The following CSMD3 variants were observed in gnomAD, a reference collection of about 807,000 sequenced individuals.
CSMD3 encodes CUB and sushi domain-containing protein 3.
CSMD3 carries 177 observed loss-of-function variants against 435.2 expected under a neutral mutation model. That is an observed-to-expected ratio of 0.41 (90% CI 0.36 to 0.46). CSMD3 has a LOEUF of 0.46. CSMD3 is among the 20% of genes least tolerant of loss of function. The pLI is 0.34. For missense variants in CSMD3, 4,265 were observed against 4,504.6 expected (o/e 0.95, Z 1.52); for synonymous variants, 1,656 against 1,520.5 (o/e 1.09, Z -2.07).
intron 60 of CSMD3, among the ~76,000 whole-genome samples, chr8:112,264,086 C>A (rs1816702660): frequency 6.6e-6 from 1 of 152,064 alleles, no homozygotes; most frequent in African/African-American, 2.4e-5. Flanking sequence ...AGAAGGCAAA[C>A]AGAGGGTGAC....
At chr8:112,664,597 C>T (rs2075472832) in intron 17 of CSMD3, among the ~76,000 whole-genome samples, 1 of 151,998 alleles carries the variant, frequency 6.6e-6, no homozygotes, top group African/African-American at 2.4e-5. Context: ...ATTGTGTTCC[C>T]CCAAATTTCT....
chr8:112,940,949 C>T (rs1365849371), intron 9 of CSMD3, among the ~76,000 whole-genome samples: 1 of 151,710 alleles, frequency 6.6e-6, no homozygotes, highest in Non-Finnish European at 1.5e-5. Flanking sequence ...ATTGAGCTCT[C>T]TTTGTCACAC....
At chr8:113,270,028 C>T (rs1161472998) in intron 3 of CSMD3, among the ~76,000 whole-genome samples, 3 of 151,358 alleles carry the variant, frequency 2.0e-5, no homozygotes, top group African/African-American at 7.3e-5. Context: ...GAACAGGCAA[C>T]CTACAGAATG....
intron 45 of CSMD3, among the ~76,000 whole-genome samples, chr8:112,328,511 G>GGC (rs1823725776): frequency 2.0e-5 from 3 of 152,104 alleles, no homozygotes. Context: ...GAGAATATTA[G>GGC]AAATCAAGAG....
chr8:113,322,124 C>T (rs1388190135), intron 1 of CSMD3, among the ~76,000 whole-genome samples: 1 of 152,166 alleles, frequency 6.6e-6, no homozygotes, highest in African/African-American at 2.4e-5. Context: ...ACTATTACAA[C>T]TCTTTATGAT....
At chr8:112,935,763 A>AG (rs34063555) in intron 9 of CSMD3, among the ~76,000 whole-genome samples, 51 of 152,044 alleles carry the variant, frequency 3.4e-4, no homozygotes, top group Non-Finnish European at 5.6e-4. Flanking sequence ...TCTAACTGCA[A>AG]GGGGGAAGTC....
At chr8:112,247,485 A>G (rs1459379570) in intron 63 of CSMD3, among the ~76,000 whole-genome samples, 3 of 152,172 alleles carry the variant, frequency 2.0e-5, no homozygotes. Context: ...AGATAAATAA[A>G]TGAAGCTTGA....
chr8:112,708,727 A>G (rs1449907603), intron 13 of CSMD3, among the ~76,000 whole-genome samples: 2 of 104,814 alleles, frequency 1.9e-5, no homozygotes, highest in African/African-American at 9.8e-5. Context: ...TAGAGCAAAA[A>G]AAACCTACAA....
In CSMD3 at chr8:112,265,488, G is replaced by T. The variant is rs144899938; in HGVS notation, c.9611C>A (p.Thr3204Lys). 7.4e-6 allele frequency: 12 copies of T among 1,613,450 alleles called. No homozygotes were observed. Among genetic ancestry groups the T allele is most frequent in the South Asian group, 1.1e-5 (1 of 91,070 alleles). Residue 3204 changes from threonine (T) to lysine (K), a missense_variant, in exon 60 of 71, where the codon ACG becomes AAG. Physicochemically the swap from Thr to Lys is moderately conservative, Grantham distance 78 (BLOSUM62 -1). Transcript: ENST00000297405. ...GATTCTGGAGCCATTCAATTCCATC[G>T]TGTAGCCTGGCTGGCACATGTAAGA... ...NVSYMCQPGY[T>K]MELNGSRIRT...
intron 1 of CSMD3, among the ~76,000 whole-genome samples, chr8:113,345,169 C>T (rs1432681725): frequency 1.3e-5 from 2 of 152,138 alleles, no homozygotes; most frequent in East Asian, 1.9e-4. Context: ...TTTGTAAGTA[C>T]TGATAAATAT....
chr8:113,038,357 C>A (rs1241643159), intron 5 of CSMD3, among the ~76,000 whole-genome samples: 1 of 152,082 alleles, frequency 6.6e-6, no homozygotes, highest in Non-Finnish European at 1.5e-5. Flanking sequence ...AGAAACCATT[C>A]ATTGAATAAT....
In CSMD3 at chr8:112,237,849, T is replaced by C. The variant is rs1021832463; in HGVS notation, c.10469-501A>G. The stretch of plus-strand genomic sequence containing the variant: ...CCCCCTTACAGAATACTGAGTTTAG[T>C]TCTTCTAATAACAGGTGCTCCTGAA... On this transcript the variant is annotated intron_variant, in intron 66 of 70. Transcript: ENST00000297405. 2.6e-5 allele frequency among the ~76,000 whole-genome samples: 4 copies of C among 152,050 alleles called. No individual in the cohort carries two copies. In the East Asian group the frequency reaches 7.7e-4, roughly 29 times the overall value.
At chr8:113,436,572 G>T (rs936862717) in intron 1 of CSMD3, 105 bp downstream of exon 1, 4 of 1,020,986 alleles carry the variant, frequency 3.9e-6, no homozygotes, top group Non-Finnish European at 6.2e-6. Context: ...AGTATTATCA[G>T]ATTATTTTAT....
intron 5 of CSMD3, among the ~76,000 whole-genome samples, chr8:113,046,653 C>T (rs2087848143): frequency 6.6e-6 from 1 of 152,208 alleles, no homozygotes; most frequent in Non-Finnish European, 1.5e-5. Flanking sequence ...TGAAGTCCTG[C>T]CCCCGGCTTG....
At chr8:112,321,042 C>G (rs1822953701) in intron 45 of CSMD3, among the ~76,000 whole-genome samples, 1 of 152,102 alleles carries the variant, frequency 6.6e-6, no homozygotes, top group Admixed American at 6.6e-5. Flanking sequence ...CATCTAAAAT[C>G]TACAACAAAA....
intron 50 of CSMD3, 56 bp from the exon 51 acceptor site, chr8:112,306,248 T>C (rs1180550932): frequency 7.6e-7 from 1 of 1,316,234 alleles, no homozygotes; most frequent in Non-Finnish European, 1.1e-6. Context: ...TTTAATTTAT[T>C]AGGTAACTCT....
At chr8:112,521,010 G>A (rs1343804262) in intron 27 of CSMD3, among the ~76,000 whole-genome samples, 1 of 151,858 alleles carries the variant, frequency 6.6e-6, no homozygotes, top group East Asian at 1.9e-4. Context: ...CCTAGTTCTT[G>A]TGTTGCTAGT....
chr8:112,653,136 T>G (rs2075170197), intron 18 of CSMD3, among the ~76,000 whole-genome samples: 1 of 152,228 alleles, frequency 6.6e-6, no homozygotes, highest in African/African-American at 2.4e-5. Flanking sequence ...AATTCTTAAA[T>G]GTTGGCAATG....
intron 3 of CSMD3, among the ~76,000 whole-genome samples, chr8:113,211,400 A>G (rs1191702488): frequency 6.6e-6 from 1 of 152,174 alleles, no homozygotes; most frequent in Non-Finnish European, 1.5e-5. Flanking sequence ...AAGGACCGTA[A>G]TACCTAATTC....
Sources: gnomAD v4.1 joint callset for allele counts (sites outside exome capture counted in the v4.1 genomes callset) on GRCh38, gnomAD v4.1.1 for gene constraint, MANE v1.5 for transcripts, NCBI Gene and HGNC (gene_info 2026-07-23, HGNC 2026-07-21) for gene names.